The following LRRC51 variants were observed in gnomAD, a reference collection of about 807,000 sequenced individuals.
LRRC51 encodes the protein leucine rich repeat containing 51, also known as leucine-rich repeat-containing protein 51.
LRRC51 carries 8 observed loss-of-function variants against 17.8 expected under a neutral mutation model. That is an observed-to-expected ratio of 0.45 (90% CI 0.26 to 0.81). The LOEUF (loss-of-function observed/expected upper bound fraction) is 0.81. LRRC51 is among the 30% of genes least tolerant of loss of function. The pLI is 0.17. For missense variants in LRRC51, 233 were observed against 239.3 expected, an observed-to-expected ratio of 0.97 and a Z score of 0.17; for synonymous variants, 92 against 96.0, an observed-to-expected ratio of 0.96 and a Z score of 0.24.
chr11:72,088,823 T>C (rs1295029686), intron 2 of LRRC51: 2 of 565,314 alleles, frequency 3.5e-6, no homozygotes, highest in African/African-American at 1.9e-5. Context: ...GATTCTCAAA[T>C]GAGTTCTAAG....
At chr11:72,091,285 T>C (rs894674925) in intron 3 of LRRC51, among the ~76,000 whole-genome samples, 1 of 152,188 alleles carries the variant, frequency 6.6e-6, no homozygotes, top group African/African-American at 2.4e-5. Flanking sequence ...TTCATCTGTG[T>C]CATTCTGTTT....
At chr11:72,089,695 ATACT>A (rs1591147466) in intron 3 of LRRC51, 1 of 824,350 alleles carries the variant, frequency 1.2e-6, no homozygotes, top group Admixed American at 4.9e-5. Flanking sequence ...TCCAGTTTAA[ATACT>A]TACTGACAAA....
Position 72,095,041 on chromosome 11 carries a change from CG to C in LRRC51, c.384del (p.Leu129SerfsTer4). ...GEVNKLAVLP[R>X]LRSLTLHGNP... ...GGTGAATAAGCTGGCTGTCCTTCCT[CG>C]GCTCCGTAGCCTGACACTCCATGGG... On this transcript the variant is annotated frameshift_variant, in exon 5 of 6. Transcript: ENST00000289488. LOFTEE classifies it high-confidence loss of function. 6.2e-7 allele frequency: 1 copy of C among 1,613,948 alleles called. No individual in the cohort carries two copies.
intron 3 of LRRC51, among the ~76,000 whole-genome samples, chr11:72,090,914 C>T (rs536040192): frequency 6.6e-6 from 1 of 152,312 alleles, no homozygotes; most frequent in African/African-American, 2.4e-5. Flanking sequence ...GAGAGGAAAA[C>T]AGGAACATAG....
chr11:72,083,027 G>A (rs558297628), intron 1 of LRRC51, among the ~76,000 whole-genome samples: 27 of 152,190 alleles, frequency 1.8e-4, no homozygotes, highest in African/African-American at 6.0e-4. Context: ...CACCACACCC[G>A]GCTAATTTTA....
chr11:72,088,654 T>A, intron 2 of LRRC51: 1 of 550,678 alleles, frequency 1.8e-6, no homozygotes. Flanking sequence ...GTCTCCACAG[T>A]AACTACTGTA....
intron 2 of LRRC51, 24 bp downstream of exon 2, chr11:72,088,404 T>C: frequency 1.4e-6 from 1 of 702,292 alleles, no homozygotes; most frequent in East Asian, 2.7e-5. Context: ...AGACTCTGGT[T>C]TTGTGTGTGT....
rs567544190 is a variant in LRRC51 at position 72,089,361 on chromosome 11, G to A, written c.82+196G>A. ...TTTTTGTTTGTTTTGATTTTGCCCC[G>A]ATACAGCCCCAGGAGATCCTAAGAA... On this transcript the variant is annotated intron_variant, in intron 3 of 5. Transcript: ENST00000289488. 31 of 1,485,362 alleles carry A rather than the reference G, an allele frequency of 2.1e-5. 1 individual carries two copies. The highest frequency in any genetic ancestry group is 6.1e-5 in the South Asian group (5 of 82,164). 92.0% of individuals were successfully genotyped at this position (1,485,362 alleles called of 1,614,324 possible). A position where few individuals can be genotyped will look rare whatever the true frequency, so the allele number is the denominator to read the frequency against.
At chr11:72,094,571 T>C (rs888677956) in intron 4 of LRRC51, 1 of 619,600 alleles carries the variant, frequency 1.6e-6, no homozygotes, top group East Asian at 2.7e-5. Context: ...ATTTAACCAG[T>C]ATTTTAAAAG....
At chr11:72,092,395 A>C (rs940124439) in intron 3 of LRRC51, among the ~76,000 whole-genome samples, 1 of 152,206 alleles carries the variant, frequency 6.6e-6, no homozygotes, top group Non-Finnish European at 1.5e-5. Context: ...CTTTACATCC[A>C]GTCAACCAAA....
chr11:72,094,914 G>A (rs1945090063), intron 4 of LRRC51, 34 bp from the exon 5 acceptor site: 1 of 1,614,142 alleles, frequency 6.2e-7, no homozygotes, highest in African/African-American at 1.3e-5. Flanking sequence ...GTCCTGTCCT[G>A]TCTAGCCTGG....
At chr11:72,083,880 T>C (rs1944381067) in intron 1 of LRRC51, 1 of 152,216 alleles carries the variant, frequency 6.6e-6, no homozygotes, top group African/African-American at 2.4e-5. Context: ...GACTGCAGAA[T>C]TGGAGTTGAG....
intron 2 of LRRC51, 104 bp from the exon 3 acceptor site, chr11:72,088,925 C>A: frequency 7.5e-7 from 1 of 1,332,324 alleles, no homozygotes; most frequent in Non-Finnish European, 1.0e-6. Flanking sequence ...GAAATACAGC[C>A]AGGCAGGCCT....
At chr11:72,087,590 A>G (rs1212184520) in intron 1 of LRRC51, among the ~76,000 whole-genome samples, 1 of 152,208 alleles carries the variant, frequency 6.6e-6, no homozygotes, top group Non-Finnish European at 1.5e-5. Context: ...TTAGATTCTT[A>G]AAGTGCCTGG....
Position 72,095,062 on chromosome 11 carries a change from C to A in LRRC51, c.403C>A (p.His135Asn). Residue 135 changes from histidine to asparagine, a missense_variant, in exon 5 of 6, where the codon CAT becomes AAT. Transcript: ENST00000289488. ...TCCTCGGCTCCGTAGCCTGACACTC[C>A]ATGGGAACCCCATGGAGGAAGAGAA... ...VLPRLRSLTL[H>N]GNPMEEEKGY... 1 of 1,614,090 alleles carries A rather than the reference C, an allele frequency of 6.2e-7. No homozygotes were observed. Among genetic ancestry groups the A allele is most frequent in the Non-Finnish European group, 8.5e-7 (1 of 1,180,010 alleles).
rs2136552069 is a variant in LRRC51, at chr11:72,096,501, G to A, written c.*981G>A. 1 of 1,219,020 alleles carries A rather than the reference G, an allele frequency of 8.2e-7. No individual in the cohort carries two copies. Among genetic ancestry groups the A allele is most frequent in the East Asian group, 3.8e-5 (1 of 26,090 alleles). The allele number at this position is 1,219,020 out of a possible 1,614,324, so 75.5% of individuals were successfully genotyped here. A position where few individuals can be genotyped will look rare whatever the true frequency, so the allele number is the denominator to read the frequency against. ...GATCTGCCCACCTCAGCCTCCCAAAGTGCTAGGATTACAGGATAAGCCACT... is the reference window on the plus strand; with the variant it reads ...GATCTGCCCACCTCAGCCTCCCAAAATGCTAGGATTACAGGATAAGCCACT... On this transcript the variant is annotated 3_prime_UTR_variant, in exon 6 of 6. Coordinates refer to ENST00000289488, the MANE Select transcript of LRRC51 (RefSeq NM_145309.6).
At chr11:72,090,983 G>C (rs150666069) in intron 3 of LRRC51, among the ~76,000 whole-genome samples, 67 of 152,300 alleles carry the variant, frequency 4.4e-4, no homozygotes, top group African/African-American at 1.6e-3. Context: ...GATATTTGTG[G>C]TCCAGCTTCC....
intron 4 of LRRC51, 135 bp from the exon 5 acceptor site, chr11:72,094,813 A>C: frequency 7.4e-6 from 11 of 1,487,204 alleles, no homozygotes; most frequent in Non-Finnish European, 1.0e-5. Flanking sequence ...ACAGTCATAC[A>C]GTATGGCTGT....
chr11:72,088,314 A>C lies in LRRC51; in HGVS notation c.-122A>C, dbSNP rs1392502573. 1.4e-5 allele frequency: 10 copies of C among 701,722 alleles called. No homozygotes were observed. The highest frequency in any genetic ancestry group is 2.6e-5 in the Non-Finnish European group (10 of 384,582). 43.5% of individuals were successfully genotyped at this position (701,722 alleles called of 1,614,324 possible). A position where few individuals can be genotyped will look rare whatever the true frequency, so the allele number is the denominator to read the frequency against. On this transcript the variant is annotated 5_prime_UTR_variant, in exon 2 of 6. Coordinates refer to ENST00000289488, the MANE Select transcript of LRRC51 (RefSeq NM_145309.6). ...CCTGTCAGGGAGTATTTCCATTTTA[A>C]CCGGAAACAATCCCTGAACCCACAG...
Sources: allele counts gnomAD v4.1 joint callset (sites outside exome capture counted in the v4.1 genomes callset), GRCh38; gene constraint gnomAD v4.1.1; transcripts MANE v1.5; gene names NCBI Gene and HGNC (gene_info 2026-07-23, HGNC 2026-07-21).